ANKRD2: variants seen among roughly 807,000 people sequenced by gnomAD.
ANKRD2 encodes the protein ankyrin repeat domain-containing protein 2.
A neutral mutation model predicts 37.3 loss-of-function variants in ANKRD2; 35 were observed. The observed-to-expected ratio is 0.94, with a 90% CI of 0.72 to 1.24. The LOEUF (loss-of-function observed/expected upper bound fraction) is 1.24, where lower values mean the gene tolerates loss of function less well. Ranked by LOEUF, ANKRD2 falls within the 50% of genes most tolerant of loss-of-function variation. The pLI is 0.00. For missense variants in ANKRD2, 410 were observed against 445.6 expected (o/e 0.92, Z 0.72); for synonymous variants, 159 against 186.5 (o/e 0.85, Z 1.20).
Position 97,583,663 on chromosome 10 carries a change from A to G in ANKRD2, c.940A>G (p.Asn314Asp). 6.2e-7 allele frequency: 1 copy of G among 1,606,064 alleles called. No homozygotes were observed. Among genetic ancestry groups the G allele is most frequent in the Non-Finnish European group, 8.5e-7 (1 of 1,176,790 alleles). Residue 314 changes from asparagine to aspartate, a missense_variant, in exon 9 of 9, where the codon AAC (asparagine) becomes GAC (aspartate). Physicochemically the swap from Asn to Asp is conservative, Grantham distance 23. Coordinates refer to ENST00000370655, the MANE Select transcript of ANKRD2 (RefSeq NM_001346793.2). ...LEHPEPGAEH[N>D]GLEGPNDSGR... ...GCATCCTGAGCCGGGGGCTGAGCAT[A>G]ACGGGCTGGAGGGGCCTAATGATAG...
At chr10:97,582,187 C>T (rs1408511321) in intron 6 of ANKRD2, 128 bp from the exon 7 acceptor site, 1 of 731,516 alleles carries the variant, frequency 1.4e-6, no homozygotes, top group Non-Finnish European at 2.3e-6. Flanking sequence ...CTCTGCCCCT[C>T]CAAGGCTCAG....
intron 4 of ANKRD2, 27 bp downstream of exon 4, chr10:97,578,632 G>A (rs1215943009): frequency 1.3e-6 from 2 of 1,519,666 alleles, no homozygotes; most frequent in Non-Finnish European, 1.8e-6. Context: ...CCCCTGACCA[G>A]CCTCCCTGTC....
intron 1 of ANKRD2, among the ~76,000 whole-genome samples, chr10:97,573,931 A>G (rs1377776124): frequency 6.6e-6 from 1 of 152,218 alleles, no homozygotes; most frequent in African/African-American, 2.4e-5. Flanking sequence ...GGTGTGAATC[A>G]GAAGTGGAGG....
chr10:97,581,948 C>T (rs1054875822), intron 6 of ANKRD2, among the ~76,000 whole-genome samples: 10 of 152,318 alleles, frequency 6.6e-5, no homozygotes, highest in Admixed American at 1.3e-4. Context: ...GGTGGGAAAA[C>T]ATGTGTAAAT....
rs577401692 is a variant in ANKRD2 at position 97,582,684 on chromosome 10, C to G, written c.834C>G (p.Asp278Glu). 3.1e-6 allele frequency: 5 copies of G among 1,614,114 alleles called. No homozygotes were observed. The Admixed American group carries it at 8.3e-5, about 27-fold the overall frequency. The change falls in exon 8 of 9, where the codon GAC becomes GAG. Residue 278 changes from aspartate (D) to glutamate (E), a missense_variant. By Grantham distance (45) the Asp-to-Glu change is conservative (BLOSUM62 2). Transcript: ENST00000370655. Reference protein sequence around the residue: ...IIKLLLLHGADMMTKNLAGKT... With the variant: ...IIKLLLLHGAEMMTKNLAGKT... ...AACTGCTGCTCCTGCATGGGGCTGA[C>G]ATGATGACCAAGAACCTGGTAAGCT...
rs577401692 is a variant in ANKRD2 at position 97,582,684 on chromosome 10, C to T, written c.834C>T (p.Asp278=). 1.2e-6 allele frequency: 2 copies of T among 1,614,114 alleles called. No individual in the cohort carries two copies. Among genetic ancestry groups the T allele is most frequent in the Non-Finnish European group, 1.7e-6 (2 of 1,180,022 alleles). Residue 278 remains aspartate (D), a synonymous_variant, in exon 8 of 9, where the codon GAC becomes GAT. Transcript: ENST00000370655. ...IIKLLLLHGA[D]MMTKNLAGKT... ...AACTGCTGCTCCTGCATGGGGCTGA[C>T]ATGATGACCAAGAACCTGGTAAGCT...
chr10:97,582,264 T>C (rs1251712006), intron 6 of ANKRD2, 51 bp from the exon 7 acceptor site: 1 of 1,489,558 alleles, frequency 6.7e-7, no homozygotes, highest in Non-Finnish European at 9.2e-7. Flanking sequence ...TTCCCAGGGG[T>C]ACCACAGTTC....
rs181081127 is a variant in ANKRD2 at position 97,582,696 on chromosome 10, G to C, written c.846G>C (p.Lys282Asn). 6.2e-7 allele frequency: 1 copy of C among 1,613,928 alleles called. No individual in the cohort carries two copies. The highest frequency in any genetic ancestry group is 1.3e-5 in the African/African-American group (1 of 74,914). The change falls in exon 8 of 9, where the codon AAG becomes AAC. Residue 282 changes from lysine (K) to asparagine (N), a missense_variant. Physicochemically the swap from Lys to Asn is moderately conservative, Grantham distance 94. Transcript: ENST00000370655. The part of the protein sequence containing the change: ...LLLHGADMMT[K>N]NLAGKTPTDL... Reference sequence around the variant, plus strand: ...TGCATGGGGCTGACATGATGACCAAGAACCTGGTAAGCTCATTCCCTCCTT... The same window carrying C: ...TGCATGGGGCTGACATGATGACCAACAACCTGGTAAGCTCATTCCCTCCTT...
At chr10:97,575,254 CT>C (rs904587578) in intron 1 of ANKRD2, among the ~76,000 whole-genome samples, 2 of 152,192 alleles carry the variant, frequency 1.3e-5, no homozygotes, top group Non-Finnish European at 2.9e-5. Flanking sequence ...AGGAGAACCT[CT>C]GTCTAGCCTG....
rs746110512 is a variant in ANKRD2 at position 97,582,658 on chromosome 10, A to C, written c.808A>C (p.Lys270Gln). The C allele has an allele frequency of 1.2e-6, 2 of 1,614,144 alleles. No homozygotes were observed. Among genetic ancestry groups the C allele is most frequent in the Non-Finnish European group, 1.7e-6 (2 of 1,180,014 alleles). Residue 270 changes from lysine to glutamine, a missense_variant, in exon 8 of 9, where the codon AAA becomes CAA. Lys to Gln is a moderately conservative substitution (Grantham distance 53, BLOSUM62 1). Coordinates refer to ENST00000370655, the MANE Select transcript of ANKRD2 (RefSeq NM_001346793.2). ...GAGGCTCAACCGCTACAAAATCATC[A>C]AACTGCTGCTCCTGCATGGGGCTGA... is the stretch of plus-strand genomic sequence containing the variant. Reference protein sequence around the residue: ...AVRLNRYKIIKLLLLHGADMM... With the variant: ...AVRLNRYKIIQLLLLHGADMM...
intron 8 of ANKRD2, 112 bp from the exon 9 acceptor site, chr10:97,583,464 C>A: frequency 9.5e-7 from 1 of 1,054,900 alleles, no homozygotes; most frequent in Non-Finnish European, 1.3e-6. Flanking sequence ...TGCCAGTTGC[C>A]CCCATTTGAG....
intron 7 of ANKRD2, 49 bp from the exon 8 acceptor site, chr10:97,582,555 C>T (rs1269954178): frequency 1.3e-6 from 2 of 1,594,324 alleles, no homozygotes; most frequent in Non-Finnish European, 8.6e-7. Flanking sequence ...TCACCCTTGC[C>T]TCCTCCCACT....
At chr10:97,573,646 C>T (rs910832116) in intron 1 of ANKRD2, among the ~76,000 whole-genome samples, 1 of 152,134 alleles carries the variant, frequency 6.6e-6, no homozygotes, top group Admixed American at 6.5e-5. Flanking sequence ...AGGCTGGTCT[C>T]AAACTCCTGG....
At position 97,578,277 on chromosome 10, in the gene ANKRD2, G is replaced by T. The variant is rs765212446; in HGVS notation, c.227G>T (p.Arg76Leu). ...GTGCGCAAGACGTCCCTGGACCTGC[G>T]GCGGGAGATCATCGATGTGGGCGGG... ...ERVRKTSLDL[R>L]REIIDVGGIQ... The change falls in exon 3 of 9, where the codon CGG becomes CTG. Residue 76 changes from arginine to leucine, a missense_variant. Arg to Leu is a moderately radical substitution (Grantham distance 102). Transcript: ENST00000370655. 2 of 1,612,870 alleles carry T rather than the reference G, an allele frequency of 1.2e-6. No homozygotes were observed. Among genetic ancestry groups the T allele is most frequent in the East Asian group, 2.2e-5 (1 of 44,844 alleles).
intron 1 of ANKRD2, among the ~76,000 whole-genome samples, chr10:97,573,739 T>C (rs2135696897): frequency 6.6e-6 from 1 of 152,316 alleles, no homozygotes; most frequent in African/African-American, 2.4e-5. Flanking sequence ...TACTCTTCAC[T>C]TTATTTAAAC....
chr10:97,579,144 T>C (rs59319014), intron 4 of ANKRD2, among the ~76,000 whole-genome samples: 3,176 of 151,944 alleles, frequency 0.021, 91 homozygotes, highest in African/African-American at 0.068. Flanking sequence ...TGAGACCCTG[T>C]CTCTATACAT....
chr10:97,573,400 C>T (rs1264479473), intron 1 of ANKRD2, among the ~76,000 whole-genome samples: 1 of 150,776 alleles, frequency 6.6e-6, no homozygotes, highest in Non-Finnish European at 1.5e-5. Context: ...GGAAGTGGAG[C>T]GGTGGCAGGG....
At position 97,577,872 on chromosome 10, in the gene ANKRD2, G is replaced by A. The variant is rs752768813; in HGVS notation, c.160G>A (p.Ala54Thr). The change falls in exon 2 of 9, where the codon GCT (alanine) becomes ACT (threonine). Residue 54 changes from alanine to threonine, a missense_variant. Transcript: ENST00000370655. Reference sequence around the variant, plus strand: ...GCTGGAGGATGAGAAGCACCACGGGGCTCAGAGTGCAGCCCTGCAGAAGGT... The same window carrying A: ...GCTGGAGGATGAGAAGCACCACGGGACTCAGAGTGCAGCCCTGCAGAAGGT... ...LVLEDEKHHG[A>T]QSAALQKVKG... is the part of the protein sequence containing the mutation. The A allele has an allele frequency of 1.9e-6, 3 of 1,569,798 alleles. No individual in the cohort carries two copies. Among genetic ancestry groups the A allele is most frequent in the South Asian group, 1.2e-5 (1 of 85,224 alleles).
intron 1 of ANKRD2, 77 bp from the exon 2 acceptor site, chr10:97,577,723 G>A: frequency 8.6e-7 from 1 of 1,166,320 alleles, no homozygotes; most frequent in Non-Finnish European, 1.2e-6. Context: ...GTCTCTGTGG[G>A]GTGTCCTTGG....
Sources: allele counts gnomAD v4.1 joint callset (sites outside exome capture counted in the v4.1 genomes callset), GRCh38; gene constraint gnomAD v4.1.1; transcripts MANE v1.5; gene names NCBI Gene and HGNC (gene_info 2026-07-23, HGNC 2026-07-21).